Variants in TMEM71 observed in about 807,000 individuals in gnomAD.
TMEM71 encodes the protein transmembrane protein 71.
TMEM71 carries 44 observed loss-of-function variants against 38.0 expected under a neutral mutation model. The ratio of observed to expected loss-of-function variants is 1.16; its 90% CI spans 0.91 to 1.49. The LOEUF (loss-of-function observed/expected upper bound fraction) is 1.49, where lower values mean the gene tolerates loss of function less well. TMEM71 is among the 40% of genes most tolerant of loss of function. TMEM71 has a pLI of 0.00. For synonymous variants in TMEM71, 133 were observed against 122.5 expected, an observed-to-expected ratio of 1.09 and a Z score of -0.56; for missense variants, 367 against 348.6, an observed-to-expected ratio of 1.05 and a Z score of -0.42.
chr8:132,757,920 G>A (rs2553607), intron 2 of TMEM71: 1 of 151,686 alleles, frequency 6.6e-6, no homozygotes, highest in African/African-American at 2.4e-5. Context: ...GGGAAAAAAC[G>A]TCTTGTGTGA....
Position 132,722,099 on chromosome 8 carries a change from T to C in TMEM71, c.693A>G (p.Gln231=), listed in dbSNP as rs989889326. ...SSDHSETRLL[Q]EVFFQAILLA... ...GCAGGATTGCCTGAAAGAAGACCTC[T>C]TGCAACAACCTGGTTTCTAATAGGA... is the stretch of plus-strand genomic sequence containing the variant. Residue 231 remains glutamine, a synonymous_variant, in exon 7 of 10, where the codon CAA becomes CAG. Transcript: ENST00000677595. 5 of 1,613,664 alleles carry C rather than the reference T, an allele frequency of 3.1e-6. No homozygotes were observed. In the African/African-American group the frequency reaches 6.7e-5, roughly 22 times the overall value.
chr8:132,712,125 T>C (rs1826268148), intron 9 of TMEM71, among the ~76,000 whole-genome samples: 1 of 152,142 alleles, frequency 6.6e-6, no homozygotes, highest in African/African-American at 2.4e-5. Flanking sequence ...TTTCAAGGCT[T>C]TGGTTGTAGA....
At chr8:132,727,701 A>G (rs1438784795) in intron 6 of TMEM71, 97 bp downstream of exon 6, 31 of 1,120,966 alleles carry the variant, frequency 2.8e-5, no homozygotes, top group Non-Finnish European at 4.0e-5. Context: ...GGTTGGTACC[A>G]GCTCCTAACT....
chr8:132,744,781 A>G (rs1828242501), intron 5 of TMEM71, among the ~76,000 whole-genome samples: 1 of 152,212 alleles, frequency 6.6e-6, no homozygotes, highest in Non-Finnish European at 1.5e-5. Context: ...TTCAAAATAT[A>G]CCATAAGGCA....
At chr8:132,727,591 G>A (rs1827217049) in intron 6 of TMEM71, among the ~76,000 whole-genome samples, 1 of 152,110 alleles carries the variant, frequency 6.6e-6, no homozygotes, top group Non-Finnish European at 1.5e-5. Context: ...TGCAGATCCA[G>A]TTACTGATGC....
rs377512983 is a variant in TMEM71 at position 132,723,986 on chromosome 8, T to C, written c.677-1871A>G. The stretch of plus-strand genomic sequence containing the variant: ...TACTGGTAGGACTGTGATGCCCACC[T>C]GAGCCGTAAAACCAGCAAGTTTTAT... On this transcript the variant is annotated intron_variant, in intron 6 of 9. Coordinates refer to ENST00000677595, the MANE Select transcript of TMEM71 (RefSeq NM_001382403.1). 1.5e-3 allele frequency among the ~76,000 whole-genome samples: 231 copies of C among 152,294 alleles called. No homozygotes were observed. In the Middle Eastern group the frequency reaches 0.024, roughly 16 times the overall value.
At chr8:132,707,372 G>A (rs532956238), downstream of TMEM71, among the ~76,000 whole-genome samples, 4 of 152,168 alleles carry the variant, frequency 2.6e-5, no homozygotes, top group East Asian at 7.7e-4. Context: ...TTCTTAAAAG[G>A]GCATGCTATG....
chr8:132,729,561 A>G (rs1418656726), intron 5 of TMEM71, among the ~76,000 whole-genome samples: 1 of 152,250 alleles, frequency 6.6e-6, no homozygotes, highest in Non-Finnish European at 1.5e-5. Context: ...GGGACTGCAC[A>G]TGCCCAACAA....
Position 132,714,054 on chromosome 8 carries a change from T to C in TMEM71, c.815-2A>G, listed in dbSNP as rs1444980085. The C allele has an allele frequency of 3.7e-5, 59 of 1,613,862 alleles. No homozygotes were observed. The highest frequency in any genetic ancestry group is 5.0e-5 in the Non-Finnish European group (59 of 1,179,880). ...GGCTGAGAAACAATGATTTCACATC[T>C]TGAGTGAAACAGAGAAAATATTTTA... On this transcript the variant is annotated splice_acceptor_variant, in intron 8 of 9. Transcript: ENST00000677595. LOFTEE classifies it high-confidence loss of function.
At chr8:132,740,524 T>C (rs1022065216) in intron 5 of TMEM71, among the ~76,000 whole-genome samples, 3 of 152,188 alleles carry the variant, frequency 2.0e-5, no homozygotes, top group Non-Finnish European at 2.9e-5. Context: ...CTATGTCCAT[T>C]GTGTAGGATA....
chr8:132,767,123 T>C, the TMEM71 span, among the ~76,000 whole-genome samples: 1 of 152,304 alleles, frequency 6.6e-6, no homozygotes, highest in Non-Finnish European at 1.5e-5. Context: ...GAGCTCTAAT[T>C]CTGCTCCTCA....
chr8:132,715,358 C>T (rs1267565016), intron 7 of TMEM71, among the ~76,000 whole-genome samples: 11 of 134,466 alleles, frequency 8.2e-5, no homozygotes, highest in Admixed American at 1.7e-4. Flanking sequence ...TGCAGTGAGC[C>T]GAGGTCACGC....
At chr8:132,772,827 T>A in the TMEM71 span, among the ~76,000 whole-genome samples, 5 of 152,206 alleles carry the variant, frequency 3.3e-5, no homozygotes, top group Non-Finnish European at 5.9e-5. Context: ...AATTTAGATT[T>A]CCCTAAATGT....
At chr8:132,708,793 C>A (rs1388205717), downstream of TMEM71, among the ~76,000 whole-genome samples, 4 of 152,056 alleles carry the variant, frequency 2.6e-5, no homozygotes, top group African/African-American at 7.2e-5. Context: ...AAGAAGGAGG[C>A]AAGATGTCTA....
downstream of TMEM71, among the ~76,000 whole-genome samples, chr8:132,706,517 C>A (rs1826096893): frequency 6.6e-6 from 1 of 151,912 alleles, no homozygotes; most frequent in Non-Finnish European, 1.5e-5. Context: ...TTTTTAGCAT[C>A]TTGATGAGGT....
At chr8:132,732,570 TAAAA>T (rs1421807185) in intron 5 of TMEM71, among the ~76,000 whole-genome samples, 1 of 152,034 alleles carries the variant, frequency 6.6e-6, no homozygotes, top group Non-Finnish European at 1.5e-5. Context: ...TTAGAGTCAT[TAAAA>T]AAATCTGAGC....
intron 7 of TMEM71, among the ~76,000 whole-genome samples, chr8:132,716,502 A>C (rs558357321): frequency 1.6e-4 from 24 of 152,360 alleles, no homozygotes; most frequent in African/African-American, 5.8e-4. Flanking sequence ...ATTTAATAAC[A>C]GTGATGCCTC....
rs566693722 is a variant in TMEM71, at chr8:132,747,518, A to G, written c.315-404T>C. ...CAGGAAACTTAGGCACAGATAGGTTAAGTCACTTGGCTGAGGTCATGCAGC... is the reference window on the plus strand; with the variant it reads ...CAGGAAACTTAGGCACAGATAGGTTGAGTCACTTGGCTGAGGTCATGCAGC... On this transcript the variant is annotated intron_variant, in intron 4 of 9. Transcript: ENST00000677595. 3.3e-5 allele frequency among the ~76,000 whole-genome samples: 5 copies of G among 152,350 alleles called. No homozygotes were observed. In the East Asian group the frequency reaches 9.6e-4, roughly 29 times the overall value.
At chr8:132,761,168 G>A (rs1383615175), upstream of TMEM71, among the ~76,000 whole-genome samples, 2 of 152,156 alleles carry the variant, frequency 1.3e-5, no homozygotes, top group Non-Finnish European at 2.9e-5. Flanking sequence ...TACTGTAAGT[G>A]ATAAAAGAAA....
Sources: allele counts gnomAD v4.1 joint callset (sites outside exome capture counted in the v4.1 genomes callset), GRCh38; gene constraint gnomAD v4.1.1; transcripts MANE v1.5; gene names NCBI Gene and HGNC (gene_info 2026-07-23, HGNC 2026-07-21).